Variants in SMOC2 observed in about 807,000 individuals in gnomAD.
SMOC2 encodes SPARC related modular calcium binding 2, also known as SPARC-related modular calcium-binding protein 2.
In SMOC2, 39 loss-of-function variants were observed where a neutral mutation model predicts 61.4. The observed-to-expected ratio is 0.64, with a 90% CI of 0.49 to 0.83. The LOEUF (loss-of-function observed/expected upper bound fraction) is 0.83. Among genes scored for constraint, SMOC2 ranks in the 40% least tolerant of loss-of-function variants. The probability of loss-of-function intolerance (pLI) is 0.00; values close to 1 mark genes in which losing one functional copy is unlikely to be tolerated. For synonymous variants in SMOC2, 247 were observed against 239.9 expected, an observed-to-expected ratio of 1.03 and a Z score of -0.27; for missense variants, 556 against 592.9, an observed-to-expected ratio of 0.94 and a Z score of 0.65.
intron 8 of SMOC2, 23 bp downstream of exon 8, chr6:168,599,027 C>A: frequency 1.3e-6 from 2 of 1,553,416 alleles, no homozygotes; most frequent in East Asian, 2.4e-5. Context: ...CACCCACCCC[C>A]CCCGGGACCA....
intron 1 of SMOC2, among the ~76,000 whole-genome samples, chr6:168,507,922 T>C (rs559465452): frequency 2.1e-4 from 32 of 152,244 alleles, no homozygotes; most frequent in Non-Finnish European, 4.4e-4. Flanking sequence ...CACCTGTCTC[T>C]TGGCTCCAGC....
chr6:168,641,023 A>G (rs1044288331), intron 9 of SMOC2, among the ~76,000 whole-genome samples: 17 of 151,826 alleles, frequency 1.1e-4, no homozygotes, highest in Middle Eastern at 3.4e-3. Context: ...CTCCTTAAGA[A>G]TTTCATTGTC....
At chr6:168,573,923 C>T (rs1037869427) in intron 7 of SMOC2, among the ~76,000 whole-genome samples, 5 of 152,226 alleles carry the variant, frequency 3.3e-5, no homozygotes, top group East Asian at 1.9e-4. Context: ...CTGAACCAGT[C>T]GCTGTGGCCA....
At chr6:168,627,432 T>C (rs79040577) in intron 9 of SMOC2, among the ~76,000 whole-genome samples, 3,160 of 152,310 alleles carry the variant, frequency 0.021, 55 homozygotes, top group Non-Finnish European at 0.034. Context: ...TAATTTTTAT[T>C]AGATTTCCCT....
chr6:168,533,276 C>T (rs1163885535), intron 4 of SMOC2, among the ~76,000 whole-genome samples: 1 of 152,146 alleles, frequency 6.6e-6, no homozygotes, highest in Non-Finnish European at 1.5e-5. Flanking sequence ...GATGGATGAT[C>T]TTGGAGTCGC....
chr6:168,489,411 C>T (rs756807995), intron 1 of SMOC2, among the ~76,000 whole-genome samples: 20 of 148,520 alleles, frequency 1.3e-4, no homozygotes, highest in Middle Eastern at 4.0e-3. Context: ...TATATCGAAT[C>T]GTCTGGGTCC....
At chr6:168,456,221 C>T (rs1781583142) in intron 1 of SMOC2, among the ~76,000 whole-genome samples, 1 of 152,240 alleles carries the variant, frequency 6.6e-6, no homozygotes, top group African/African-American at 2.4e-5. Flanking sequence ...CCACACACAT[C>T]GTTCCCTAAT....
At chr6:168,476,118 T>A (rs1782076670) in intron 1 of SMOC2, among the ~76,000 whole-genome samples, 1 of 152,158 alleles carries the variant, frequency 6.6e-6, no homozygotes, top group Non-Finnish European at 1.5e-5. Context: ...TGATTCAAAC[T>A]CTATTTTTAT....
intron 7 of SMOC2, among the ~76,000 whole-genome samples, chr6:168,563,794 C>T (rs537637534): frequency 1.3e-5 from 2 of 152,294 alleles, no homozygotes; most frequent in East Asian, 3.9e-4. Flanking sequence ...CAAATGAATG[C>T]CTGTTGATAA....
chr6:168,643,610 G>C (rs1786947286), intron 9 of SMOC2, among the ~76,000 whole-genome samples: 1 of 152,228 alleles, frequency 6.6e-6, no homozygotes, highest in Non-Finnish European at 1.5e-5. Flanking sequence ...GTGGTGGGCA[G>C]GGGCCTTGTC....
intron 7 of SMOC2, among the ~76,000 whole-genome samples, chr6:168,592,985 A>G (rs368969749): frequency 4.5e-3 from 1 of 224 alleles, no homozygotes; most frequent in African/African-American, 0.014. Flanking sequence ...CTGAGGCCTC[A>G]CGGGCATCTT....
Position 168,667,249 on chromosome 6 carries a change from TAACA to T in SMOC2, c.*812_*815del, listed in dbSNP as rs1787684172. 6.6e-6 allele frequency: 1 copy of T among 152,178 alleles called. No homozygotes were observed. Among genetic ancestry groups the T allele is most frequent in the Non-Finnish European group, 1.5e-5 (1 of 68,056 alleles). 9.4% of individuals were successfully genotyped at this position (152,178 alleles called of 1,614,324 possible). ...CCAGTCGCGGTGTGACCGAGCTGGC[TAACA>T]GGCTTGTCTGCCTGGTTTTCCTCCT... is the stretch of plus-strand genomic sequence containing the variant. On this transcript the variant is annotated 3_prime_UTR_variant, in exon 13 of 13. Coordinates refer to ENST00000356284, the MANE Select transcript of SMOC2 (RefSeq NM_001166412.2).
rs2115276467 is a variant in SMOC2, at chr6:168,653,065, C to T, written c.1122C>T (p.Pro374=). The change falls in exon 11 of 13, where the codon CCC becomes CCT. Residue 374 remains proline, a synonymous_variant. Transcript: ENST00000356284. ...SGDIGKKEIK[P]FKRFLRKKSK... is the part of the protein sequence containing the mutation. Reference sequence around the variant, plus strand: ...ACATCGGCAAAAAGGAAATCAAACCCTTCAAGAGGTTCCTTCGCAAAAAAT... The same window carrying T: ...ACATCGGCAAAAAGGAAATCAAACCTTTCAAGAGGTTCCTTCGCAAAAAAT... 2 of 1,614,162 alleles carry T rather than the reference C, an allele frequency of 1.2e-6. No individual in the cohort carries two copies. Among genetic ancestry groups the T allele is most frequent in the Non-Finnish European group, 1.7e-6 (2 of 1,180,032 alleles).
intron 2 of SMOC2, among the ~76,000 whole-genome samples, chr6:168,517,222 C>G (rs1583072532): frequency 6.6e-6 from 1 of 152,196 alleles, no homozygotes; most frequent in African/African-American, 2.4e-5. Flanking sequence ...GCGGCTGTCT[C>G]TCTGGCATTC....
intron 7 of SMOC2, among the ~76,000 whole-genome samples, chr6:168,585,371 C>T (rs944052742): frequency 9.8e-5 from 15 of 152,320 alleles, no homozygotes; most frequent in African/African-American, 3.1e-4. Flanking sequence ...ATCCTCACTG[C>T]GTGCATTACC....
intron 1 of SMOC2, among the ~76,000 whole-genome samples, chr6:168,462,380 T>A (rs1285149576): frequency 5.9e-5 from 9 of 152,202 alleles, no homozygotes; most frequent in Non-Finnish European, 1.3e-4. Flanking sequence ...TGAGTCTGTA[T>A]GTTGAATTAT....
intron 9 of SMOC2, among the ~76,000 whole-genome samples, chr6:168,616,405 A>T (rs550578792): frequency 1.2e-4 from 18 of 152,278 alleles, no homozygotes; most frequent in Admixed American, 1.0e-3. Context: ...GGAGGCTGGG[A>T]TGCGAGGCTG....
At chr6:168,582,972 G>A (rs1784956079) in intron 7 of SMOC2, among the ~76,000 whole-genome samples, 2 of 150,214 alleles carry the variant, frequency 1.3e-5, no homozygotes, top group South Asian at 4.3e-4. Context: ...CAAGACTCAC[G>A]CCAGACTCGT....
intron 7 of SMOC2, among the ~76,000 whole-genome samples, chr6:168,559,330 C>G (rs1784337203): frequency 6.6e-6 from 1 of 151,902 alleles, no homozygotes; most frequent in South Asian, 2.1e-4. Context: ...TGGCGGGTGC[C>G]TATAATCCCA....
Sources: allele counts gnomAD v4.1 joint callset (sites outside exome capture counted in the v4.1 genomes callset), GRCh38; gene constraint gnomAD v4.1.1; transcripts MANE v1.5; gene names NCBI Gene and HGNC (gene_info 2026-07-23, HGNC 2026-07-21).